EML2: variants seen among roughly 807,000 people sequenced by gnomAD.
EML2 encodes EMAP like 2.
Under a neutral mutation model 84.7 loss-of-function variants are expected in EML2, and 59 were observed. That is an observed-to-expected ratio of 0.70 (90% CI 0.56 to 0.86). EML2 has a LOEUF of 0.86. Among genes scored for constraint, EML2 ranks in the 40% least tolerant of loss-of-function variants. The probability of loss-of-function intolerance (pLI) is 0.00; values close to 1 mark genes in which losing one functional copy is unlikely to be tolerated. For missense variants in EML2, 818 were observed against 855.6 expected (o/e 0.96, Z 0.55); for synonymous variants, 352 against 348.9 (o/e 1.01, Z -0.10).
chr19:45,615,769 G>A (rs752336970), intron 16 of EML2, 33 bp downstream of exon 16: 1 of 1,569,216 alleles, frequency 6.4e-7, no homozygotes, highest in East Asian at 2.2e-5. Context: ...ATGAGACGGA[G>A]GAAGTAATGT....
intron 3 of EML2, among the ~76,000 whole-genome samples, chr19:45,637,667 CTTTTTTTTTT>C (rs58180181): frequency 5.3e-4 from 26 of 48,920 alleles, no homozygotes; most frequent in Non-Finnish European, 7.2e-4. Flanking sequence ...TTTTTCTTTT[CTTTTTTTTTT>C]TTTTTTTTTT....
intron 3 of EML2, 41 bp downstream of exon 3, chr19:45,638,463 TG>T (rs1568488588): frequency 6.2e-7 from 1 of 1,612,968 alleles, no homozygotes. Context: ...TATTTCCTCC[TG>T]GGGGGATGGG....
chr19:45,638,746 G>T, intron 2 of EML2, 99 bp downstream of exon 2: 1 of 1,588,164 alleles, frequency 6.3e-7, no homozygotes, highest in Non-Finnish European at 8.6e-7. Flanking sequence ...TGAGGCCAGA[G>T]AGGCAAAGAC....
intron 3 of EML2, among the ~76,000 whole-genome samples, chr19:45,635,583 CTTTTTTTTTTTTTT>C (rs1172930803): frequency 9.2e-6 from 1 of 108,486 alleles, no homozygotes; most frequent in African/African-American, 3.6e-5. Context: ...TGTCTGTTTC[CTTTTTTTTTTTTTT>C]TTTTTTTTTT....
At chr19:45,643,818 G>A, upstream of EML2, 2 of 1,414,550 alleles carry the variant, frequency 1.4e-6, no homozygotes, top group Non-Finnish European at 1.9e-6. Flanking sequence ...TCCCAGGTCC[G>A]GTGCCTGGAC....
upstream of EML2, chr19:45,639,440 C>T: frequency 8.1e-7 from 1 of 1,240,694 alleles, no homozygotes; most frequent in Non-Finnish European, 1.0e-6. Context: ...CGCTTCCGGC[C>T]CTGGGAGGCG....
intron 3 of EML2, 36 bp downstream of exon 3, chr19:45,638,469 G>A (rs1428442586): frequency 1.2e-6 from 2 of 1,613,118 alleles, no homozygotes; most frequent in African/African-American, 1.3e-5. Flanking sequence ...CTCCTGGGGG[G>A]ATGGGAGCAC....
At chr19:45,617,199 T>C (rs1276337341) in intron 13 of EML2, among the ~76,000 whole-genome samples, 1 of 144,436 alleles carries the variant, frequency 6.9e-6, no homozygotes, top group African/African-American at 2.6e-5. Context: ...TGAGCTGAGA[T>C]CGCGCCACCG....
rs1568489774 is a variant in EML2, at chr19:45,638,838, C to CA, written c.49+6dup. 4 of 1,613,802 alleles carry CA rather than the reference C, an allele frequency of 2.5e-6. No individual in the cohort carries two copies. Among genetic ancestry groups the CA allele is most frequent in the Non-Finnish European group, 3.4e-6 (4 of 1,179,980 alleles). ...TCCACCGAGCCCTTCCCCATCTCCC[C>CA]ACTCACCCACACTGAAGATAACTTC... is the stretch of plus-strand genomic sequence containing the variant. On this transcript the variant is annotated splice_region_variant and intron_variant, in intron 2 of 18. Transcript: ENST00000245925.
upstream of EML2, chr19:45,641,992 C>G (rs376736878): frequency 2.1e-4 from 310 of 1,446,212 alleles, 1 homozygote; most frequent in East Asian, 6.1e-3. Context: ...GCGGGGGTCC[C>G]GAGCCATTAA....
Position 45,613,678 on chromosome 19 carries a change from G to C in EML2, c.1694-7C>G. 1 of 1,610,650 alleles carries C rather than the reference G, an allele frequency of 6.2e-7. No individual in the cohort carries two copies. The highest frequency in any genetic ancestry group is 8.5e-7 in the Non-Finnish European group (1 of 1,177,488). On this transcript the variant is annotated splice_region_variant and splice_polypyrimidine_tract_variant and intron_variant, in intron 17 of 18. Coordinates refer to ENST00000245925, the MANE Select transcript of EML2 (RefSeq NM_012155.4). ...GCCCCCTCAGACCAGATCCCTGTGG[G>C]CAAGATGAAGGGAAGTGGTAAGATG...
rs1457487800 is a variant in EML2 at position 45,622,848 on chromosome 19, C to T, written c.842-1211G>A. On this transcript the variant is annotated intron_variant, in intron 9 of 18. Coordinates refer to ENST00000245925, the MANE Select transcript of EML2 (RefSeq NM_012155.4). ...GGATCACGAGGTCAGGAGATTGAGA[C>T]CATCCTGGCTAACATGGTGAAACCC... is the stretch of plus-strand genomic sequence containing the variant. Among the ~76,000 whole-genome samples the T allele has an allele frequency of 1.2e-4, 18 of 151,620 alleles. 1 individual carries two copies. Among genetic ancestry groups the T allele is most frequent in the Admixed American group, 1.1e-3 (17 of 15,198 alleles).
upstream of EML2, chr19:45,640,236 T>C (rs1974297411): frequency 6.6e-6 from 1 of 152,166 alleles, no homozygotes. Context: ...GTTTTGTTTT[T>C]GATACAGGGT....
At chr19:45,641,607 T>A (rs1354887276), upstream of EML2, 2 of 1,530,668 alleles carry the variant, frequency 1.3e-6, no homozygotes, top group South Asian at 2.4e-5. Flanking sequence ...CCTCCCTATC[T>A]CTTTCTGCGG....
chr19:45,629,104 G>A (rs1458364372), intron 7 of EML2, among the ~76,000 whole-genome samples: 1 of 152,014 alleles, frequency 6.6e-6, no homozygotes, highest in Non-Finnish European at 1.5e-5. Context: ...CTACGAGGAA[G>A]ATGCTACCAT....
upstream of EML2, chr19:45,643,524 GA>G: frequency 6.5e-7 from 1 of 1,534,808 alleles, no homozygotes; most frequent in Non-Finnish European, 8.7e-7. Flanking sequence ...CCCAAAGTGG[GA>G]GGGGCGGAGA....
intron 18 of EML2, among the ~76,000 whole-genome samples, chr19:45,610,595 T>C (rs1340221230): frequency 6.6e-6 from 1 of 152,060 alleles, no homozygotes; most frequent in Non-Finnish European, 1.5e-5. Flanking sequence ...CCCAGCACTT[T>C]GGGAGGCCAA....
chr19:45,629,910 C>T, intron 7 of EML2, 41 bp downstream of exon 7: 1 of 1,501,356 alleles, frequency 6.7e-7, no homozygotes. Context: ...GAAAGTCCCA[C>T]AGTGGCACCC....
chr19:45,621,016 C>T, intron 11 of EML2, 191 bp downstream of exon 11: 1 of 882,820 alleles, frequency 1.1e-6, no homozygotes, highest in Admixed American at 2.0e-5. Context: ...GCCTGGGGCC[C>T]CTCTGCTGTG....
Sources: allele counts gnomAD v4.1 joint callset (sites outside exome capture counted in the v4.1 genomes callset), GRCh38; gene constraint gnomAD v4.1.1; transcripts MANE v1.5; gene names NCBI Gene and HGNC (gene_info 2026-07-23, HGNC 2026-07-21).